DPYSL3: variants seen among roughly 807,000 people sequenced by gnomAD.
The protein encoded by DPYSL3 is dihydropyrimidinase like 3.
In DPYSL3, 16 loss-of-function variants were observed where a neutral mutation model predicts 66.1. The observed-to-expected ratio is 0.24, with a 90% CI of 0.16 to 0.37. The LOEUF (loss-of-function observed/expected upper bound fraction) is 0.37, where lower values mean the gene tolerates loss of function less well. Ranked by LOEUF, DPYSL3 falls within the 10% of genes least tolerant of loss-of-function variation. The pLI, the probability that DPYSL3 is intolerant of heterozygous loss-of-function variation, is 1.00. For synonymous variants in DPYSL3, 338 were observed against 345.1 expected (o/e 0.98, Z 0.23); for missense variants, 738 against 916.2 (o/e 0.81, Z 2.51).
intron 8 of DPYSL3, among the ~76,000 whole-genome samples, chr5:147,402,750 T>C (rs2152017885): frequency 6.6e-6 from 1 of 152,306 alleles, no homozygotes; most frequent in Admixed American, 6.5e-5. Context: ...CTTCTTGGAT[T>C]CTGCCTCAAA....
chr5:147,409,815 A>C (rs1751810198), intron 6 of DPYSL3, among the ~76,000 whole-genome samples: 1 of 152,214 alleles, frequency 6.6e-6, no homozygotes, highest in African/African-American at 2.4e-5. Flanking sequence ...AAAATGGTGA[A>C]TGCAACAAGC....
chr5:147,462,374 T>C (rs1421030857), intron 1 of DPYSL3, among the ~76,000 whole-genome samples: 1 of 152,124 alleles, frequency 6.6e-6, no homozygotes, highest in Non-Finnish European at 1.5e-5. Context: ...ATCCCAGTAG[T>C]ATACTTTATT....
Position 147,399,177 on chromosome 5 carries a change from G to T in DPYSL3, c.1528C>A (p.Pro510Thr). ...TNAAKIFNLYPRKGRISVGSD... is the reference protein window; with the variant it reads ...TNAAKIFNLYTRKGRISVGSD... ...CCCACAGATATTCTTCCCTTGCGGG[G>T]ATACAGGTTGAAGATCTTGGCAGCG... Residue 510 changes from proline to threonine, a missense_variant, in exon 11 of 14, where the codon CCC (proline) becomes ACC (threonine). By Grantham distance (38) the Pro-to-Thr change is conservative (BLOSUM62 -1). Coordinates refer to ENST00000343218, the MANE Select transcript of DPYSL3 (RefSeq NM_001197294.2). The T allele has an allele frequency of 6.2e-7, 1 of 1,614,240 alleles. No homozygotes were observed. The highest frequency in any genetic ancestry group is 8.5e-7 in the Non-Finnish European group (1 of 1,180,054).
chr5:147,501,274 A>T (rs1753603084), intron 1 of DPYSL3, among the ~76,000 whole-genome samples: 1 of 152,146 alleles, frequency 6.6e-6, no homozygotes, highest in Non-Finnish European at 1.5e-5. Context: ...CTATGGAGGC[A>T]GTAAAAAGAT....
At position 147,392,960 on chromosome 5, in the gene DPYSL3, T is replaced by G. The variant is rs1188343580; in HGVS notation, c.*1075A>C. The G allele has an allele frequency of 1.3e-5, 2 of 152,210 alleles. No individual in the cohort carries two copies. Among genetic ancestry groups the G allele is most frequent in the Non-Finnish European group, 2.9e-5 (2 of 68,036 alleles). 9.4% of individuals were successfully genotyped at this position (152,210 alleles called of 1,614,324 possible). On this transcript the variant is annotated 3_prime_UTR_variant, in exon 14 of 14. Coordinates refer to ENST00000343218, the MANE Select transcript of DPYSL3 (RefSeq NM_001197294.2). ...TTAGGGAACACCTAATAAAACCAAC[T>G]TTCAAAAACTCCTATTTATCATGGA... is the stretch of plus-strand genomic sequence containing the variant.
chr5:147,444,205 C>T (rs535223429), intron 1 of DPYSL3, among the ~76,000 whole-genome samples: 203 of 152,208 alleles, frequency 1.3e-3, no homozygotes, highest in African/African-American at 4.8e-3. Context: ...GTCACATAAA[C>T]TTAAGTTTGA....
chr5:147,473,518 G>A lies in DPYSL3; in HGVS notation c.381+35960C>T, dbSNP rs547684508. Among the ~76,000 whole-genome samples, 175 of 152,252 alleles carry A rather than the reference G, an allele frequency of 1.1e-3. 1 individual carries two copies. The highest frequency in any genetic ancestry group is 3.4e-3 in the Middle Eastern group (1 of 294). On this transcript the variant is annotated intron_variant, in intron 1 of 13. Transcript: ENST00000343218. ...GAAAGAATATAAAGATTAATCCACA[G>A]GTGAATAAACTTGAGAAATGGTGAA...
chr5:147,438,559 T>G (rs1175994296), intron 1 of DPYSL3, among the ~76,000 whole-genome samples: 1 of 152,234 alleles, frequency 6.6e-6, no homozygotes, highest in Non-Finnish European at 1.5e-5. Context: ...GAATACATTC[T>G]CTGTGCTTAG....
intron 1 of DPYSL3, among the ~76,000 whole-genome samples, chr5:147,430,525 GA>G (rs1044912952): frequency 3.1e-5 from 4 of 129,644 alleles, no homozygotes; most frequent in Non-Finnish European, 6.7e-5. Flanking sequence ...AAAAAAAAAA[GA>G]AAAAAAAGGA....
chr5:147,463,732 A>G (rs1752968780), intron 1 of DPYSL3, among the ~76,000 whole-genome samples: 1 of 152,140 alleles, frequency 6.6e-6, no homozygotes, highest in Non-Finnish European at 1.5e-5. Flanking sequence ...TGATTCAGCT[A>G]CTGGTGCTGT....
intron 1 of DPYSL3, among the ~76,000 whole-genome samples, chr5:147,492,155 A>C (rs928750273): frequency 6.6e-6 from 1 of 152,176 alleles, no homozygotes; most frequent in African/African-American, 2.4e-5. Context: ...TATTCAGAGA[A>C]ATAAAAAACA....
intron 1 of DPYSL3, among the ~76,000 whole-genome samples, chr5:147,496,399 G>A (rs1408176882): frequency 6.6e-6 from 1 of 152,100 alleles, no homozygotes; most frequent in East Asian, 1.9e-4. Flanking sequence ...ATAGACAAAT[G>A]GGATCTAATT....
intron 1 of DPYSL3, among the ~76,000 whole-genome samples, chr5:147,443,916 A>G (rs1369076292): frequency 6.6e-6 from 1 of 152,116 alleles, no homozygotes; most frequent in African/African-American, 2.4e-5. Flanking sequence ...TCTTAACAGG[A>G]GGGCTAGAGG....
chr5:147,452,735 C>T (rs905700059), intron 1 of DPYSL3, among the ~76,000 whole-genome samples: 1 of 152,146 alleles, frequency 6.6e-6, no homozygotes, highest in Admixed American at 6.5e-5. Context: ...CCGCCAGTCG[C>T]GGTGTCTCCG....
At chr5:147,396,546 G>A (rs948160180) in intron 12 of DPYSL3, among the ~76,000 whole-genome samples, 2 of 152,150 alleles carry the variant, frequency 1.3e-5, no homozygotes, top group Admixed American at 6.5e-5. Flanking sequence ...ATCACAAGAA[G>A]TCCTGTCAGA....
chr5:147,467,597 A>G (rs1307248576), intron 1 of DPYSL3, among the ~76,000 whole-genome samples: 1 of 152,214 alleles, frequency 6.6e-6, no homozygotes, highest in Non-Finnish European at 1.5e-5. Flanking sequence ...GCATATTTTA[A>G]CAAGTAACCA....
intron 9 of DPYSL3, 26 bp downstream of exon 9, chr5:147,401,514 C>G: frequency 6.3e-7 from 1 of 1,592,636 alleles, no homozygotes; most frequent in Non-Finnish European, 8.6e-7. Flanking sequence ...CACAAAACGC[C>G]TGCTGCTGGG....
At chr5:147,430,930 T>C (rs1200983508) in intron 1 of DPYSL3, among the ~76,000 whole-genome samples, 1 of 152,056 alleles carries the variant, frequency 6.6e-6, no homozygotes, top group African/African-American at 2.4e-5. Context: ...TATAATCCTA[T>C]AAAGAGGATA....
chr5:147,403,222 TA>T (rs145423718), intron 8 of DPYSL3, among the ~76,000 whole-genome samples: 32 of 149,780 alleles, frequency 2.1e-4, no homozygotes, highest in Non-Finnish European at 3.3e-4. Flanking sequence ...GGGGTGAGAG[TA>T]AAAAAAAATC....
Sources: gnomAD v4.1 joint callset for allele counts (sites outside exome capture counted in the v4.1 genomes callset) on GRCh38, gnomAD v4.1.1 for gene constraint, MANE v1.5 for transcripts, NCBI Gene and HGNC (gene_info 2026-07-23, HGNC 2026-07-21) for gene names.